Variants in NTM observed in about 807,000 individuals in gnomAD.
NTM encodes IgLON family member 2.
NTM carries 13 observed loss-of-function variants against 42.1 expected under a neutral mutation model. That is an observed-to-expected ratio of 0.31 (90% CI 0.20 to 0.49). The LOEUF is 0.49. NTM is among the 20% of genes least tolerant of loss of function. The pLI is 0.99. For synonymous variants in NTM, 187 were observed against 179.2 expected (o/e 1.04, Z -0.35); for missense variants, 373 against 452.8 (o/e 0.82, Z 1.60).
At chr11:131,575,417 C>G (rs2057835188) in intron 1 of NTM, among the ~76,000 whole-genome samples, 1 of 152,116 alleles carries the variant, frequency 6.6e-6, no homozygotes, top group Non-Finnish European at 1.5e-5. Flanking sequence ...GAACTACATA[C>G]CCTATTATTT....
At chr11:131,799,305 C>T (rs2091903223) in intron 1 of NTM, among the ~76,000 whole-genome samples, 1 of 152,160 alleles carries the variant, frequency 6.6e-6, no homozygotes, top group Non-Finnish European at 1.5e-5. Context: ...GGAGTGGAAT[C>T]CTCTGCACAG....
intron 1 of NTM, among the ~76,000 whole-genome samples, chr11:131,606,705 G>A (rs7121221): frequency 0.82 from 124,055 of 152,140 alleles, 50,775 homozygotes; most frequent in African/African-American, 0.9. Context: ...GTTGTGTTCA[G>A]TAGTCTGAGT....
intron 3 of NTM, among the ~76,000 whole-genome samples, chr11:132,175,609 A>G (rs1258667269): frequency 1.3e-5 from 2 of 150,774 alleles, no homozygotes; most frequent in African/African-American, 4.9e-5. Context: ...TTTTTTTCAG[A>G]CAGAGTCTCG....
chr11:131,775,822 G>T (rs1439953788), intron 1 of NTM, among the ~76,000 whole-genome samples: 1 of 152,180 alleles, frequency 6.6e-6, no homozygotes, highest in Non-Finnish European at 1.5e-5. Context: ...AGGCTTCTCT[G>T]CCAAAACACA....
At chr11:132,196,513 C>T (rs1185528637) in intron 3 of NTM, among the ~76,000 whole-genome samples, 1 of 152,086 alleles carries the variant, frequency 6.6e-6, no homozygotes, top group Admixed American at 6.6e-5. Context: ...CGGCACTATT[C>T]ACAATAGCAA....
intron 1 of NTM, among the ~76,000 whole-genome samples, chr11:131,867,536 CTGTG>C (rs1199806955): frequency 2.0e-5 from 3 of 151,298 alleles, no homozygotes; most frequent in African/African-American, 7.3e-5. Flanking sequence ...GTAAGTGTAT[CTGTG>C]TGTGTGCGTG....
At chr11:131,577,389 T>C (rs1363898486) in intron 1 of NTM, among the ~76,000 whole-genome samples, 2 of 152,208 alleles carry the variant, frequency 1.3e-5, no homozygotes, top group Non-Finnish European at 2.9e-5. Context: ...CTTATAGCAC[T>C]TCTGTGAGGC....
chr11:131,492,683 G>A (rs1037441775), intron 1 of NTM, among the ~76,000 whole-genome samples: 2 of 152,046 alleles, frequency 1.3e-5, no homozygotes, highest in Admixed American at 6.6e-5. Context: ...TGGGTTCAGG[G>A]GACATTAAAT....
At chr11:132,068,548 C>A (rs992296397) in intron 2 of NTM, among the ~76,000 whole-genome samples, 1 of 152,196 alleles carries the variant, frequency 6.6e-6, no homozygotes, top group African/African-American at 2.4e-5. Context: ...CTATCATGCA[C>A]TTACAAGTTC....
intron 1 of NTM, among the ~76,000 whole-genome samples, chr11:131,691,729 C>G (rs537562337): frequency 9.5e-4 from 145 of 152,280 alleles, no homozygotes; most frequent in Middle Eastern, 3.4e-3. Context: ...GTTCTTTCCG[C>G]GGCGCGGGGC....
At chr11:132,144,884 A>G (rs932547245) in intron 2 of NTM, among the ~76,000 whole-genome samples, 12 of 152,252 alleles carry the variant, frequency 7.9e-5, no homozygotes, top group Non-Finnish European at 1.2e-4. Context: ...AACTCTCAGC[A>G]AACTATCCCT....
chr11:132,180,622 C>G (rs2077433194), intron 3 of NTM, among the ~76,000 whole-genome samples: 1 of 151,852 alleles, frequency 6.6e-6, no homozygotes, highest in Non-Finnish European at 1.5e-5. Flanking sequence ...AACAAAAAAC[C>G]CACAAACCCT....
intron 1 of NTM, among the ~76,000 whole-genome samples, chr11:131,858,996 C>T (rs150125336): frequency 6.6e-6 from 1 of 152,288 alleles, no homozygotes; most frequent in African/African-American, 2.4e-5. Flanking sequence ...AACATCACAA[C>T]CTCAGCCAGT....
intron 2 of NTM, among the ~76,000 whole-genome samples, chr11:131,959,111 T>G (rs2134468811): frequency 6.6e-6 from 1 of 152,304 alleles, no homozygotes; most frequent in African/African-American, 2.4e-5. Context: ...GTGATGTGTA[T>G]GGCCCAAGTG....
intron 2 of NTM, among the ~76,000 whole-genome samples, chr11:131,945,966 A>G (rs1426540555): frequency 6.6e-6 from 1 of 152,196 alleles, no homozygotes; most frequent in Non-Finnish European, 1.5e-5. Flanking sequence ...AGCAGGGTGC[A>G]GGCTGATGGA....
intron 1 of NTM, among the ~76,000 whole-genome samples, chr11:131,520,214 T>C (rs1251929935): frequency 1.3e-5 from 2 of 152,198 alleles, no homozygotes; most frequent in Non-Finnish European, 2.9e-5. Context: ...TAATAATATA[T>C]ATTAAACATC....
chr11:131,699,476 C>T (rs1162282083), intron 1 of NTM, among the ~76,000 whole-genome samples: 3 of 152,130 alleles, frequency 2.0e-5, no homozygotes, highest in Non-Finnish European at 2.9e-5. Context: ...GCACAAAAGG[C>T]TTTCTGTAGG....
chr11:131,517,828 A>G (rs941008199), intron 1 of NTM, among the ~76,000 whole-genome samples: 1 of 151,598 alleles, frequency 6.6e-6, no homozygotes, highest in Non-Finnish European at 1.5e-5. Flanking sequence ...CTTTCTCATT[A>G]CCCACCCCTC....
intron 2 of NTM, among the ~76,000 whole-genome samples, chr11:132,048,296 G>A (rs2078306587): frequency 6.6e-6 from 1 of 152,152 alleles, no homozygotes; most frequent in African/African-American, 2.4e-5. Flanking sequence ...CAGAGCCCAA[G>A]AGCCTCCTGC....
Sources: gnomAD v4.1 joint callset for allele counts (sites outside exome capture counted in the v4.1 genomes callset) on GRCh38, gnomAD v4.1.1 for gene constraint, MANE v1.5 for transcripts, NCBI Gene and HGNC (gene_info 2026-07-23, HGNC 2026-07-21) for gene names.